Variants in TMEM163 observed in about 807,000 individuals in gnomAD.
The protein encoded by TMEM163 is transmembrane protein 163.
A neutral mutation model predicts 29.3 loss-of-function variants in TMEM163; 17 were observed. That is an observed-to-expected ratio of 0.58 (90% confidence interval 0.40 to 0.87). The LOEUF (loss-of-function observed/expected upper bound fraction) is 0.87. Among genes scored for constraint, TMEM163 ranks in the 40% least tolerant of loss-of-function variants. The probability of loss-of-function intolerance (pLI) is 0.00; values close to 1 mark genes in which losing one functional copy is unlikely to be tolerated. For synonymous variants in TMEM163, 157 were observed against 160.6 expected (o/e 0.98, Z 0.17); for missense variants, 303 against 381.5 (o/e 0.79, Z 1.71).
chr2:134,489,475 G>T (rs775079990), intron 5 of TMEM163, among the ~76,000 whole-genome samples: 2 of 151,894 alleles, frequency 1.3e-5, no homozygotes, highest in Non-Finnish European at 2.9e-5. Context: ...TATTTGGGAG[G>T]CTGAGGCAGG....
Position 134,460,075 on chromosome 2 carries a change from A to ACCCC in TMEM163, c.668-1906_668-1903dup, listed in dbSNP as rs5834416. Among the ~76,000 whole-genome samples the ACCCC allele has an allele frequency of 4.2e-5, 5 of 120,000 alleles. No homozygotes were observed. Among genetic ancestry groups the ACCCC allele is most frequent in the South Asian group, 2.9e-4 (1 of 3,450 alleles). 78.7% of individuals were successfully genotyped at this position (120,000 alleles called of 152,430 possible). A position where few individuals can be genotyped will look rare whatever the true frequency, so the allele number is the denominator to read the frequency against. On this transcript the variant is annotated intron_variant, in intron 6 of 7. Coordinates refer to ENST00000281924, the MANE Select transcript of TMEM163 (RefSeq NM_030923.5). This position sits in a 1 kb window ranked among gnomAD's most constrained non-coding sequence, Gnocchi z 4.3. ...CCCCTCGAGCCCCTTGCCAGATGTT[A>ACCCC]CCCCCCCCCAAATTCATTCTCACTC... is the stretch of plus-strand genomic sequence containing the variant.
At chr2:134,622,596 T>C (rs1045682155) in intron 2 of TMEM163, among the ~76,000 whole-genome samples, 12 of 152,166 alleles carry the variant, frequency 7.9e-5, no homozygotes, top group Admixed American at 2.0e-4. Flanking sequence ...TTAAGAAAAT[T>C]ACAAATGCAG....
chr2:134,656,665 T>C lies in TMEM163; in HGVS notation c.322+56535A>G, dbSNP rs1174401167. Among the ~76,000 whole-genome samples the C allele has an allele frequency of 3.9e-5, 6 of 152,344 alleles. No homozygotes were observed. In the South Asian group the frequency reaches 6.2e-4, roughly 16 times the overall value. ...AGTGGTGAGACTAGACATCCTTGTC[T>C]TGTTCCAGTTCTCAAGGGGAATGGT... On this transcript the variant is annotated intron_variant, in intron 2 of 7. Coordinates refer to ENST00000281924, the MANE Select transcript of TMEM163 (RefSeq NM_030923.5).
At chr2:134,575,762 C>T (rs1681538149) in intron 2 of TMEM163, among the ~76,000 whole-genome samples, 1 of 152,034 alleles carries the variant, frequency 6.6e-6, no homozygotes, top group African/African-American at 2.4e-5. Flanking sequence ...ACAGATGAAC[C>T]TAGTTTGATT....
At chr2:134,466,270 A>AGGT in intron 5 of TMEM163, 45 bp from the exon 6 acceptor site, 1 of 1,526,546 alleles carries the variant, frequency 6.6e-7, no homozygotes, top group Admixed American at 1.8e-5. Flanking sequence ...CTCCTGCTGG[A>AGGT]GCAGATCATC....
intron 4 of TMEM163, among the ~76,000 whole-genome samples, chr2:134,532,354 A>T (rs1680434731): frequency 6.6e-6 from 1 of 152,236 alleles, no homozygotes; most frequent in South Asian, 2.1e-4. Flanking sequence ...CCTTCCAAAC[A>T]TCTCAGTAAA....
intron 2 of TMEM163, among the ~76,000 whole-genome samples, chr2:134,659,347 G>A (rs940964292): frequency 1.3e-5 from 2 of 152,194 alleles, no homozygotes; most frequent in Admixed American, 1.3e-4. Context: ...GGAAAACAGG[G>A]TTTAAAGTCT....
At chr2:134,630,951 A>T (rs1488148481) in intron 2 of TMEM163, among the ~76,000 whole-genome samples, 1 of 152,160 alleles carries the variant, frequency 6.6e-6, no homozygotes, top group Non-Finnish European at 1.5e-5. Flanking sequence ...AAGACAGGCT[A>T]TGCTAATGGA....
At chr2:134,687,473 T>C (rs1446240311) in intron 2 of TMEM163, among the ~76,000 whole-genome samples, 1 of 152,200 alleles carries the variant, frequency 6.6e-6, no homozygotes, top group East Asian at 1.9e-4. Flanking sequence ...CAATGCACAA[T>C]GAATGTATAT....
chr2:134,631,032 A>G (rs944560283), intron 2 of TMEM163, among the ~76,000 whole-genome samples: 5 of 152,226 alleles, frequency 3.3e-5, no homozygotes, highest in Admixed American at 1.3e-4. Flanking sequence ...AATTGGTTTA[A>G]AAAGGGAAAA....
chr2:134,515,586 T>C (rs1680040205), intron 4 of TMEM163, among the ~76,000 whole-genome samples: 2 of 152,202 alleles, frequency 1.3e-5, no homozygotes, highest in Admixed American at 6.5e-5. Flanking sequence ...GTAGTGTTAT[T>C]TATATTTAAA....
At chr2:134,544,731 G>C (rs1201953175) in intron 4 of TMEM163, among the ~76,000 whole-genome samples, 2 of 152,134 alleles carry the variant, frequency 1.3e-5, no homozygotes, top group Non-Finnish European at 2.9e-5. Context: ...GGAGGCAGAG[G>C]TTGCAGTGAG....
At chr2:134,661,795 C>T (rs16830876) in intron 2 of TMEM163, among the ~76,000 whole-genome samples, 16,428 of 152,068 alleles carry the variant, frequency 0.11, 1,084 homozygotes, top group African/African-American at 0.17. Flanking sequence ...ACCCAAAGGC[C>T]CTAGTTCTGC....
chr2:134,569,365 C>T (rs1681371435), intron 2 of TMEM163, among the ~76,000 whole-genome samples: 1 of 152,084 alleles, frequency 6.6e-6, no homozygotes, highest in African/African-American at 2.4e-5. Context: ...ACAGTGGGCC[C>T]CTCATCCCAC....
intron 2 of TMEM163, among the ~76,000 whole-genome samples, chr2:134,611,742 C>T (rs967215326): frequency 1.3e-5 from 2 of 152,190 alleles, no homozygotes; most frequent in African/African-American, 2.4e-5. Flanking sequence ...GGACTCTTTG[C>T]TTTCCATTTA....
At chr2:134,511,413 C>T (rs1679947522) in intron 4 of TMEM163, among the ~76,000 whole-genome samples, 1 of 152,216 alleles carries the variant, frequency 6.6e-6, no homozygotes, top group South Asian at 2.1e-4. Flanking sequence ...CTAAGGATGG[C>T]AGGGCACCAC....
intron 4 of TMEM163, among the ~76,000 whole-genome samples, chr2:134,510,685 G>A (rs774424623): frequency 2.6e-5 from 4 of 152,262 alleles, no homozygotes; most frequent in South Asian, 4.1e-4. Context: ...AAGAGGTAGC[G>A]GTGCATCCAA....
At chr2:134,584,247 C>T (rs1681760438) in intron 2 of TMEM163, among the ~76,000 whole-genome samples, 1 of 152,168 alleles carries the variant, frequency 6.6e-6, no homozygotes, top group Admixed American at 6.5e-5. Flanking sequence ...AACTAAGGAA[C>T]AATGAAAAAC....
At chr2:134,517,566 T>C (rs1680102147) in intron 4 of TMEM163, among the ~76,000 whole-genome samples, 1 of 152,180 alleles carries the variant, frequency 6.6e-6, no homozygotes, top group South Asian at 2.1e-4. Flanking sequence ...TCATTTTTTC[T>C]AACTGGAATA....
Sources: allele counts gnomAD v4.1 joint callset (sites outside exome capture counted in the v4.1 genomes callset), GRCh38; gene constraint gnomAD v4.1.1; non-coding constraint Gnocchi (gnomAD v3.1); transcripts MANE v1.5; gene names NCBI Gene and HGNC (gene_info 2026-07-23, HGNC 2026-07-21).